The following PTPRD variants were observed in gnomAD, a reference collection of about 807,000 sequenced individuals.
The protein encoded by PTPRD is protein tyrosine phosphatase receptor type D.
Under a neutral mutation model 214.5 loss-of-function variants are expected in PTPRD, and 34 were observed. That is an observed-to-expected ratio of 0.16 (90% CI 0.12 to 0.21). The LOEUF (loss-of-function observed/expected upper bound fraction) is 0.21. Among genes scored for constraint, PTPRD ranks in the 10% least tolerant of loss-of-function variants. PTPRD has a pLI of 1.00. For synonymous variants in PTPRD, 1,128 were observed against 845.7 expected, an observed-to-expected ratio of 1.33 and a Z score of -5.79; for missense variants, 2,545 against 2,398.7, an observed-to-expected ratio of 1.06 and a Z score of -1.27.
At chr9:9,455,776 T>C (rs2092904427) in intron 8 of PTPRD, among the ~76,000 whole-genome samples, 1 of 151,724 alleles carries the variant, frequency 6.6e-6, no homozygotes, top group Non-Finnish European at 1.5e-5. Flanking sequence ...ATACTAAATA[T>C]TATAAAAACA....
intron 3 of PTPRD, among the ~76,000 whole-genome samples, chr9:10,338,930 A>G (rs530805734): frequency 6.7e-6 from 1 of 149,208 alleles, no homozygotes; most frequent in African/African-American, 2.4e-5. Context: ...GGTCATAAAT[A>G]TAATGTAGAC....
At chr9:9,406,762 T>C (rs866239989) in intron 8 of PTPRD, among the ~76,000 whole-genome samples, 1 of 151,464 alleles carries the variant, frequency 6.6e-6, no homozygotes, top group Non-Finnish European at 1.5e-5. Flanking sequence ...AGAATATTAA[T>C]GAGCAATTTT....
intron 3 of PTPRD, among the ~76,000 whole-genome samples, chr9:10,330,709 T>C (rs887382618): frequency 1.1e-4 from 17 of 151,940 alleles, no homozygotes; most frequent in Non-Finnish European, 2.5e-4. Flanking sequence ...ATGTTTACTC[T>C]CCAAAGGTGG....
intron 3 of PTPRD, among the ~76,000 whole-genome samples, chr9:10,123,671 G>A (rs936766844): frequency 1.3e-5 from 2 of 152,126 alleles, no homozygotes; most frequent in African/African-American, 4.8e-5. Flanking sequence ...AAAGAACACC[G>A]TTATTTTGGA....
intron 26 of PTPRD, among the ~76,000 whole-genome samples, chr9:8,496,375 T>C (rs770061477): frequency 6.6e-6 from 1 of 152,232 alleles, no homozygotes. Flanking sequence ...TCCACTGCTG[T>C]AGGCCATATA....
At chr9:9,515,231 T>C (rs1224042712) in intron 8 of PTPRD, among the ~76,000 whole-genome samples, 3 of 152,142 alleles carry the variant, frequency 2.0e-5, no homozygotes, top group African/African-American at 4.8e-5. Context: ...AGTGTCTGCC[T>C]CCGCACATAC....
At chr9:10,196,337 G>C (rs1465375661) in intron 3 of PTPRD, among the ~76,000 whole-genome samples, 1 of 151,992 alleles carries the variant, frequency 6.6e-6, no homozygotes, top group Admixed American at 6.6e-5. Flanking sequence ...ATTTTCACTT[G>C]AATAATAAAT....
intron 10 of PTPRD, among the ~76,000 whole-genome samples, chr9:9,059,118 A>C (rs1348850217): frequency 6.6e-6 from 1 of 152,158 alleles, no homozygotes; most frequent in Non-Finnish European, 1.5e-5. Flanking sequence ...ACATGAAAAA[A>C]ATATAAGGAG....
chr9:9,334,956 A>G (rs1317150468), intron 9 of PTPRD, among the ~76,000 whole-genome samples: 1 of 152,010 alleles, frequency 6.6e-6, no homozygotes, highest in Non-Finnish European at 1.5e-5. Flanking sequence ...AGGTAGAGTA[A>G]TTGGAAATGT....
At chr9:9,547,440 T>C (rs944013218) in intron 8 of PTPRD, among the ~76,000 whole-genome samples, 3 of 152,092 alleles carry the variant, frequency 2.0e-5, no homozygotes, top group African/African-American at 7.2e-5. Context: ...GAGCCAGGAC[T>C]TAATTAGGAA....
intron 14 of PTPRD, among the ~76,000 whole-genome samples, chr9:8,583,806 A>C (rs2093399346): frequency 6.6e-6 from 1 of 152,200 alleles, no homozygotes; most frequent in Admixed American, 6.5e-5. Context: ...GTAGAATTTA[A>C]CAGATGTTTG....
At chr9:10,612,032 G>C (rs1409073399) in intron 2 of PTPRD, among the ~76,000 whole-genome samples, 1 of 151,490 alleles carries the variant, frequency 6.6e-6, no homozygotes, top group African/African-American at 2.4e-5. Flanking sequence ...GGAGAAGTGA[G>C]CCAGTAGGGT....
intron 14 of PTPRD, among the ~76,000 whole-genome samples, chr9:8,606,467 T>C (rs1372798610): frequency 6.6e-6 from 1 of 152,176 alleles, no homozygotes; most frequent in Non-Finnish European, 1.5e-5. Context: ...ACGTTTCCTA[T>C]GTGCAAGCAT....
intron 5 of PTPRD, among the ~76,000 whole-genome samples, chr9:9,863,057 T>G (rs1309412879): frequency 6.6e-6 from 1 of 152,214 alleles, no homozygotes; most frequent in Non-Finnish European, 1.5e-5. Flanking sequence ...TTTTTAAATT[T>G]TACTCATTCA....
chr9:10,173,033 A>T (rs560069309), intron 3 of PTPRD, among the ~76,000 whole-genome samples: 3 of 152,204 alleles, frequency 2.0e-5, no homozygotes, highest in Admixed American at 6.5e-5. Flanking sequence ...TTGATTGGTG[A>T]GTATTAATTA....
chr9:10,039,501 C>A (rs905691576), intron 3 of PTPRD, among the ~76,000 whole-genome samples: 1 of 151,998 alleles, frequency 6.6e-6, no homozygotes, highest in Non-Finnish European at 1.5e-5. Flanking sequence ...GAAAGTTACA[C>A]AAGTAAGCTA....
At chr9:9,262,296 T>A (rs943255815) in intron 9 of PTPRD, among the ~76,000 whole-genome samples, 1 of 150,962 alleles carries the variant, frequency 6.6e-6, no homozygotes, top group African/African-American at 2.4e-5. Flanking sequence ...GGCAATGAAT[T>A]TCTTTAAAAT....
chr9:9,084,673 G>A (rs1205882848), intron 10 of PTPRD, among the ~76,000 whole-genome samples: 1 of 152,066 alleles, frequency 6.6e-6, no homozygotes, highest in Non-Finnish European at 1.5e-5. Context: ...ACTGGCCTCT[G>A]TCCCTAACAA....
At chr9:8,548,058 A>G (rs2080789915) in intron 14 of PTPRD, among the ~76,000 whole-genome samples, 1 of 152,192 alleles carries the variant, frequency 6.6e-6, no homozygotes, top group South Asian at 2.1e-4. Flanking sequence ...ACAGGGGTGA[A>G]TAACGATTTT....
Sources: gnomAD v4.1 joint callset for allele counts (sites outside exome capture counted in the v4.1 genomes callset) on GRCh38, gnomAD v4.1.1 for gene constraint, MANE v1.5 for transcripts, NCBI Gene and HGNC (gene_info 2026-07-23, HGNC 2026-07-21) for gene names.